Variants in ZNF711 observed in about 807,000 individuals in gnomAD.
ZNF711 encodes ZFX family zinc finger ZNF711.
Under a neutral mutation model 43.5 loss-of-function variants are expected in ZNF711, and 3 were observed. The observed-to-expected ratio is 0.07, with a 90% confidence interval of 0.03 to 0.18. The LOEUF (loss-of-function observed/expected upper bound fraction) is 0.18, where lower values mean the gene tolerates loss of function less well. Among genes scored for constraint, ZNF711 ranks in the 10% least tolerant of loss-of-function variants. The pLI is 1.00. For synonymous variants in ZNF711, 209 were observed against 207.7 expected, an observed-to-expected ratio of 1.01 and a Z score of -0.06; for missense variants, 412 against 604.0, an observed-to-expected ratio of 0.68 and a Z score of 3.33.
chrX:85,245,475 G>A (rs1928960019), intron 1 of ZNF711, among the ~76,000 whole-genome samples: 1 of 112,187 alleles, frequency 8.9e-6, no homozygotes, highest in Non-Finnish European at 1.9e-5. Context: ...AGATACTCCG[G>A]TTTATTTATT....
In ZNF711 at chrX:85,244,112, T is replaced by TGGCGGCACGGAGGCGGC. The variant is rs1928748012; in HGVS notation, c.-478_-462dup. ...ATCCAGAGCGCGGTCACAGTCCGAC[T>TGGCGGCACGGAGGCGGC]GGCGGCACGGAGGCGGCGGCGGCGG... On this transcript the variant is annotated 5_prime_UTR_variant, in exon 1 of 11. Transcript: ENST00000674551. The TGGCGGCACGGAGGCGGC allele has an allele frequency of 6.8e-6, 1 of 147,695 alleles. No individual in the cohort carries two copies. Among genetic ancestry groups the TGGCGGCACGGAGGCGGC allele is most frequent in the Non-Finnish European group, 1.3e-5 (1 of 79,699 alleles). 12.2% of individuals were successfully genotyped at this position (147,695 alleles called of 1,213,427 possible).
intron 5 of ZNF711, among the ~76,000 whole-genome samples, chrX:85,263,194 G>A (rs950201614): frequency 2.7e-5 from 3 of 111,043 alleles, no homozygotes; most frequent in Non-Finnish European, 5.7e-5. Context: ...TCAGAGGACA[G>A]AGTTTATTAA....
In ZNF711 at chrX:85,269,338, CTTTTCTTTCTTTTTTTTCT is replaced by C. The variant is rs756288174; in HGVS notation, c.1103-652_1103-634del. ...CAAGATTTTGTTTCAAATTCAGTTT[CTTTTCTTTCTTTTTTTTCT>C]TTTTCTTTCTTTCTTTCTTTTTTCT... On this transcript the variant is annotated intron_variant, in intron 9 of 10. Transcript: ENST00000674551. Among the ~76,000 whole-genome samples the C allele has an allele frequency of 1.9e-4, 20 of 107,739 alleles. No individual in the cohort carries two copies. The South Asian group carries it at 5.7e-3, about 31-fold the overall frequency. The allele number at this position is 107,739 out of a possible 115,157, so 93.6% of individuals were successfully genotyped here. A position where few individuals can be genotyped will look rare whatever the true frequency, so the allele number is the denominator to read the frequency against.
intron 5 of ZNF711, among the ~76,000 whole-genome samples, chrX:85,257,711 G>T (rs1930295271): frequency 8.9e-6 from 1 of 112,655 alleles, no homozygotes; most frequent in African/African-American, 3.2e-5. Flanking sequence ...GAGTTGAATG[G>T]TAGTTCTGTT....
chrX:85,252,341 A>G (rs190758999), intron 4 of ZNF711, among the ~76,000 whole-genome samples: 59 of 111,648 alleles, frequency 5.3e-4, no homozygotes, highest in Admixed American at 4.9e-3. Flanking sequence ...CCTTCAGTCT[A>G]TCCTCTTAGA....
rs1411327360 is a variant in ZNF711 at position 85,255,352 on chromosome X, A to T, written c.173A>T (p.Asp58Val). The T allele has an allele frequency of 1.7e-6, 2 of 1,209,349 alleles. No homozygotes were observed. The highest frequency in any genetic ancestry group is 3.5e-5 in the African/African-American group (2 of 57,001). Residue 58 changes from aspartate to valine, a missense_variant, in exon 5 of 11, where the codon GAT becomes GTT. Physicochemically the swap from Asp to Val is radical, Grantham distance 152. Transcript: ENST00000674551. Reference sequence around the variant, plus strand: ...TTAGTTTCTGATGTTGTCACAGATGATGGGATAACTCTTGATCATGGCCTT... The same window carrying T: ...TTAGTTTCTGATGTTGTCACAGATGTTGGGATAACTCTTGATCATGGCCTT... ...AVLVSDVVTD[D>V]GITLDHGLAA... is the part of the protein sequence containing the mutation.
intron 7 of ZNF711, among the ~76,000 whole-genome samples, chrX:85,266,845 G>C (rs143713520): frequency 0.027 from 2,797 of 104,896 alleles, 99 homozygotes; most frequent in African/African-American, 0.091. Flanking sequence ...AAGTATTTTT[G>C]GTGATTTTTA....
At chrX:85,258,536 T>A (rs761399235) in intron 5 of ZNF711, among the ~76,000 whole-genome samples, 4 of 109,474 alleles carry the variant, frequency 3.7e-5, no homozygotes, top group Admixed American at 9.9e-5. Context: ...AAAAACATTT[T>A]AAAAAATAGC....
At chrX:85,265,982 C>T (rs1051898578) in intron 7 of ZNF711, among the ~76,000 whole-genome samples, 12 of 111,782 alleles carry the variant, frequency 1.1e-4, no homozygotes, top group Non-Finnish European at 2.3e-4. Context: ...GGTTTCCTTT[C>T]CTGCCATACC....
Position 85,267,125 on chromosome X carries a change from C to T in ZNF711, c.917-153C>T, listed in dbSNP as rs1278185226. Among the ~76,000 whole-genome samples, 6 of 110,462 alleles carry T rather than the reference C, an allele frequency of 5.4e-5. No individual in the cohort carries two copies. The East Asian group carries it at 1.7e-3, about 32-fold the overall frequency. ...GATTGTCTCCTAGTGGCACTAGCCT[C>T]CAAAAGTGCCTAATATAAATTGAAA... On this transcript the variant is annotated intron_variant, in intron 7 of 10. Coordinates refer to ENST00000674551, the MANE Select transcript of ZNF711 (RefSeq NM_001330574.2).
chrX:85,261,034 A>G (rs1217796626), intron 5 of ZNF711, among the ~76,000 whole-genome samples: 2 of 111,523 alleles, frequency 1.8e-5, no homozygotes, highest in Admixed American at 9.5e-5. Context: ...TTTACTATTC[A>G]TTAAGTGGAA....
intron 4 of ZNF711, 21 bp downstream of exon 4, chrX:85,247,672 T>C: frequency 8.5e-7 from 1 of 1,173,886 alleles, no homozygotes; most frequent in Non-Finnish European, 1.2e-6. Context: ...TTCTTTGTTG[T>C]ATTTTTTTCT....
intron 9 of ZNF711, among the ~76,000 whole-genome samples, chrX:85,269,263 T>C (rs1319639920): frequency 8.9e-6 from 1 of 111,737 alleles, no homozygotes; most frequent in Non-Finnish European, 1.9e-5. Context: ...ACATTTCTTT[T>C]TCAATTAATT....
rs1288130108 is a variant in ZNF711, at chrX:85,267,429, A to AT, written c.1054+20dup. 9.0e-7 allele frequency: 1 copy of AT among 1,109,424 alleles called. No individual in the cohort carries two copies. The highest frequency in any genetic ancestry group is 2.3e-5 in the South Asian group (1 of 44,439). 91.4% of individuals were successfully genotyped at this position (1,109,424 alleles called of 1,213,427 possible). A position where few individuals can be genotyped will look rare whatever the true frequency, so the allele number is the denominator to read the frequency against. On this transcript the variant is annotated intron_variant, in intron 8 of 10. Transcript: ENST00000674551. The stretch of plus-strand genomic sequence containing the variant: ...CTGCGGCATATGGTAGGATACTGGC[A>AT]TTTTTTCACCTGATAAGTACATAAT...
At chrX:85,266,254 C>A (rs1479612523) in intron 7 of ZNF711, among the ~76,000 whole-genome samples, 1 of 111,482 alleles carries the variant, frequency 9.0e-6, no homozygotes, top group Admixed American at 9.6e-5. Context: ...CCCCAAACAG[C>A]TGAAAATATC....
chrX:85,254,327 G>C (rs751825757), intron 4 of ZNF711, among the ~76,000 whole-genome samples: 2 of 94,377 alleles, frequency 2.1e-5, no homozygotes, highest in African/African-American at 9.1e-5. Context: ...AAATTAGGCC[G>C]GGCGCGGTGG....
chrX:85,260,179 A>C (rs1930514743), intron 5 of ZNF711, among the ~76,000 whole-genome samples: 1 of 111,335 alleles, frequency 9.0e-6, no homozygotes, highest in African/African-American at 3.3e-5. Flanking sequence ...AATTCTGTTT[A>C]TGTGGTGAAT....
intron 5 of ZNF711, among the ~76,000 whole-genome samples, chrX:85,259,154 A>G (rs748325938): frequency 9.0e-6 from 1 of 111,259 alleles, no homozygotes; most frequent in South Asian, 3.7e-4. Context: ...CATTTATTGA[A>G]TAGGGAGTCC....
intron 4 of ZNF711, 151 bp from the exon 5 acceptor site, chrX:85,255,108 G>A: frequency 1.8e-6 from 1 of 555,831 alleles, no homozygotes; most frequent in Admixed American, 3.7e-5. Flanking sequence ...GATTTTAATT[G>A]CAGTTAAATT....
Sources: gnomAD v4.1 joint callset for allele counts (sites outside exome capture counted in the v4.1 genomes callset) on GRCh38, gnomAD v4.1.1 for gene constraint, MANE v1.5 for transcripts, NCBI Gene and HGNC (gene_info 2026-07-23, HGNC 2026-07-21) for gene names.